Variants in ADAMTSL1 observed in about 807,000 individuals in gnomAD.
The protein encoded by ADAMTSL1 is ADAMTS-like protein 1.
In ADAMTSL1, 126 loss-of-function variants were observed where a neutral mutation model predicts 201.8. The observed-to-expected ratio is 0.62, with a 90% CI of 0.54 to 0.72. The LOEUF (loss-of-function observed/expected upper bound fraction) is 0.72, where lower values mean the gene tolerates loss of function less well. ADAMTSL1 is among the 30% of genes least tolerant of loss of function. The probability of loss-of-function intolerance (pLI) is 0.00; values close to 1 mark genes in which losing one functional copy is unlikely to be tolerated. For synonymous variants in ADAMTSL1, 1,121 were observed against 903.4 expected (o/e 1.24, Z -4.32); for missense variants, 2,679 against 2,277.8 (o/e 1.18, Z -3.59).
chr9:18,649,689 T>C (rs985853223), intron 7 of ADAMTSL1, among the ~76,000 whole-genome samples: 1 of 152,174 alleles, frequency 6.6e-6, no homozygotes, highest in East Asian at 1.9e-4. Context: ...AGCAGCGGTG[T>C]CTACAGAACT....
intron 23 of ADAMTSL1, among the ~76,000 whole-genome samples, chr9:18,877,945 G>C (rs1368560661): frequency 6.6e-6 from 1 of 152,160 alleles, no homozygotes; most frequent in Admixed American, 6.5e-5. Context: ...GGTGGGGCTT[G>C]CTGGGACTGC....
intron 1 of ADAMTSL1, among the ~76,000 whole-genome samples, chr9:17,912,887 T>G (rs1825942617): frequency 1.3e-5 from 2 of 151,992 alleles, no homozygotes; most frequent in South Asian, 2.1e-4. Flanking sequence ...GGGATCCAGT[T>G]TCAGCTTTCT....
intron 1 of ADAMTSL1, among the ~76,000 whole-genome samples, chr9:18,075,382 GCCCTGGTAGTTTAA>G (rs1417265510): frequency 6.6e-6 from 1 of 152,176 alleles, no homozygotes; most frequent in Non-Finnish European, 1.5e-5. Flanking sequence ...GCAGAAAAAA[GCCCTGGTAGTTTAA>G]CATGGGTGGG....
intron 7 of ADAMTSL1, 115 bp from the exon 8 acceptor site, chr9:18,657,524 G>A: frequency 1.4e-6 from 1 of 705,610 alleles, no homozygotes. Context: ...CCGCAGTGCA[G>A]TCCCTCACAC....
At chr9:18,662,204 T>C in intron 9 of ADAMTSL1, 131 bp downstream of exon 9, 4 of 1,211,426 alleles carry the variant, frequency 3.3e-6, no homozygotes, top group Non-Finnish European at 3.4e-6. Flanking sequence ...TGTCCAGTGT[T>C]CATTACTAAT....
chr9:18,016,173 G>A (rs931923280), intron 1 of ADAMTSL1, among the ~76,000 whole-genome samples: 1 of 151,996 alleles, frequency 6.6e-6, no homozygotes, highest in Non-Finnish European at 1.5e-5. Context: ...CACTCTAATG[G>A]CTGCCTTTTC....
At chr9:18,836,843 T>A (rs935926259) in intron 23 of ADAMTSL1, among the ~76,000 whole-genome samples, 1 of 152,170 alleles carries the variant, frequency 6.6e-6, no homozygotes, top group Non-Finnish European at 1.5e-5. Flanking sequence ...TTCCTAGATA[T>A]TTTATTTTTG....
chr9:18,255,513 T>C (rs1409782332), intron 2 of ADAMTSL1, among the ~76,000 whole-genome samples: 2 of 152,222 alleles, frequency 1.3e-5, no homozygotes, highest in African/African-American at 4.8e-5. Context: ...AGAAAAGCTT[T>C]GAGCATTTCT....
chr9:17,930,040 A>G (rs887974415), intron 1 of ADAMTSL1, among the ~76,000 whole-genome samples: 1 of 152,182 alleles, frequency 6.6e-6, no homozygotes, highest in Admixed American at 6.6e-5. Flanking sequence ...TTTTACAGTG[A>G]ATGTATACAT....
intron 13 of ADAMTSL1, among the ~76,000 whole-genome samples, chr9:18,698,393 C>T (rs1390616956): frequency 1.3e-5 from 2 of 152,146 alleles, no homozygotes; most frequent in Admixed American, 6.6e-5. Context: ...AAGTGATTCT[C>T]CTGCCTCAGT....
At chr9:18,028,281 G>A (rs1324193854) in intron 1 of ADAMTSL1, among the ~76,000 whole-genome samples, 2 of 152,088 alleles carry the variant, frequency 1.3e-5, no homozygotes, top group Non-Finnish European at 2.9e-5. Flanking sequence ...TTTTGAAGTA[G>A]CAGGTATTGT....
intron 20 of ADAMTSL1, among the ~76,000 whole-genome samples, chr9:18,802,535 G>A (rs1268856360): frequency 6.6e-6 from 1 of 152,028 alleles, no homozygotes; most frequent in African/African-American, 2.4e-5. Flanking sequence ...CCATGTCGTA[G>A]CATTATTCTT....
At chr9:18,685,033 T>G (rs963775388) in intron 13 of ADAMTSL1, 10 of 1,187,224 alleles carry the variant, frequency 8.4e-6, no homozygotes, top group Admixed American at 4.1e-5. Context: ...GTGTAGTGCT[T>G]ACCCTCTTCT....
intron 2 of ADAMTSL1, among the ~76,000 whole-genome samples, chr9:18,417,223 C>A (rs74635993): frequency 0.013 from 2,006 of 151,516 alleles, 42 homozygotes; most frequent in African/African-American, 0.046. Flanking sequence ...GAACTGAGAT[C>A]CCACTAGAGC....
chr9:18,188,169 C>G (rs1828816911), intron 2 of ADAMTSL1, among the ~76,000 whole-genome samples: 1 of 152,104 alleles, frequency 6.6e-6, no homozygotes, highest in South Asian at 2.1e-4. Flanking sequence ...GTACACCCAC[C>G]ACCAGCACAA....
chr9:18,855,442 A>T (rs143786895), intron 23 of ADAMTSL1, among the ~76,000 whole-genome samples: 1 of 152,350 alleles, frequency 6.6e-6, no homozygotes, highest in Admixed American at 6.5e-5. Flanking sequence ...TTCTCTACCC[A>T]TGAGAACCTA....
At chr9:18,422,721 C>T (rs1202342605) in intron 2 of ADAMTSL1, among the ~76,000 whole-genome samples, 4 of 152,130 alleles carry the variant, frequency 2.6e-5, no homozygotes, top group Non-Finnish European at 4.4e-5. Context: ...CATCAAAGGG[C>T]GTAGATCCTT....
At chr9:17,926,625 G>A (rs1342194750) in intron 1 of ADAMTSL1, among the ~76,000 whole-genome samples, 1 of 152,192 alleles carries the variant, frequency 6.6e-6, no homozygotes, top group Non-Finnish European at 1.5e-5. Context: ...CCTGCCAATG[G>A]TTAAAACAAG....
intron 2 of ADAMTSL1, among the ~76,000 whole-genome samples, chr9:18,256,317 G>C (rs1281301333): frequency 6.6e-6 from 1 of 152,152 alleles, no homozygotes; most frequent in African/African-American, 2.4e-5. Flanking sequence ...AAGACGCTAG[G>C]CAGGCAATAG....
Sources: allele counts gnomAD v4.1 joint callset (sites outside exome capture counted in the v4.1 genomes callset), GRCh38; gene constraint gnomAD v4.1.1; transcripts MANE v1.5; gene names NCBI Gene and HGNC (gene_info 2026-07-23, HGNC 2026-07-21).